The following UBR3 variants were observed in gnomAD, a reference collection of about 807,000 sequenced individuals.
The protein encoded by UBR3 is ubiquitin protein ligase E3 component n-recognin 3.
Under a neutral mutation model 243.2 loss-of-function variants are expected in UBR3, and 85 were observed. The observed-to-expected ratio is 0.35, with a 90% CI of 0.29 to 0.42. UBR3 has a LOEUF of 0.42. Ranked by LOEUF, UBR3 falls within the 10% of genes least tolerant of loss-of-function variation. The pLI is 1.00. For synonymous variants in UBR3, 748 were observed against 799.8 expected (o/e 0.94, Z 1.09); for missense variants, 1,686 against 2,300.8 (o/e 0.73, Z 5.47).
chr2:169,988,803 TAAAAAAGA>T (rs2089147276), intron 25 of UBR3, among the ~76,000 whole-genome samples: 4 of 151,884 alleles, frequency 2.6e-5, no homozygotes, highest in Admixed American at 1.3e-4. Context: ...TTAAAAAAAT[TAAAAAAGA>T]AAAAAAGAAA....
chr2:169,888,841 C>T (rs1245222009), intron 5 of UBR3, among the ~76,000 whole-genome samples: 2 of 152,000 alleles, frequency 1.3e-5, no homozygotes, highest in Non-Finnish European at 2.9e-5. Flanking sequence ...TATAGAGCTC[C>T]AGGGTTGTTT....
intron 11 of UBR3, among the ~76,000 whole-genome samples, chr2:169,917,020 T>C (rs1045585504): frequency 3.3e-5 from 5 of 152,146 alleles, no homozygotes; most frequent in Non-Finnish European, 7.3e-5. Flanking sequence ...AGGAATGGTT[T>C]AGGAAGGGAA....
intron 27 of UBR3, among the ~76,000 whole-genome samples, chr2:170,003,817 T>A (rs1431896465): frequency 6.6e-6 from 1 of 152,156 alleles, no homozygotes; most frequent in Non-Finnish European, 1.5e-5. Flanking sequence ...ATTTTTTGTA[T>A]TTTTAGCAGA....
At chr2:169,864,769 T>G (rs1033810587) in intron 1 of UBR3, among the ~76,000 whole-genome samples, 4 of 151,826 alleles carry the variant, frequency 2.6e-5, no homozygotes, top group Non-Finnish European at 5.9e-5. Flanking sequence ...TAGCTGGGCA[T>G]GGTGGCGGGT....
chr2:169,850,717 G>A (rs1206989299), intron 1 of UBR3, among the ~76,000 whole-genome samples: 5 of 152,002 alleles, frequency 3.3e-5, no homozygotes, highest in African/African-American at 9.7e-5. Flanking sequence ...GGTGGTGGGC[G>A]CCTGTGGTGC....
intron 5 of UBR3, among the ~76,000 whole-genome samples, chr2:169,889,869 A>G (rs1480034028): frequency 6.6e-6 from 1 of 152,230 alleles, no homozygotes; most frequent in Non-Finnish European, 1.5e-5. Context: ...TTTCTGCTTT[A>G]GAAATTTGAT....
At chr2:170,000,300 A>G (rs1472295355) in intron 26 of UBR3, among the ~76,000 whole-genome samples, 2 of 152,238 alleles carry the variant, frequency 1.3e-5, no homozygotes, top group African/African-American at 4.8e-5. Flanking sequence ...ATAAAGCTGT[A>G]TGGAGGTTAC....
intron 5 of UBR3, among the ~76,000 whole-genome samples, chr2:169,890,579 A>ATATGTGTG (rs373265395): frequency 1.6e-5 from 1 of 61,288 alleles, no homozygotes; most frequent in African/African-American, 7.3e-5. Context: ...ATATATATAT[A>ATATGTGTG]TGTATATATA....
At chr2:170,015,937 T>A (rs1428693731) in intron 30 of UBR3, among the ~76,000 whole-genome samples, 1 of 151,878 alleles carries the variant, frequency 6.6e-6, no homozygotes, top group African/African-American at 2.4e-5. Flanking sequence ...ATGCTATCAT[T>A]TTTTAGTCAT....
At chr2:170,078,911 A>G (rs11680190) in intron 36 of UBR3, among the ~76,000 whole-genome samples, 73,511 of 151,966 alleles carry the variant, frequency 0.48, 19,496 homozygotes, top group Non-Finnish European at 0.61. Flanking sequence ...TTGGCAAATG[A>G]TGTATTGTAT....
chr2:170,007,977 A>G (rs1399856179), intron 28 of UBR3, among the ~76,000 whole-genome samples: 1 of 152,174 alleles, frequency 6.6e-6, no homozygotes, highest in Non-Finnish European at 1.5e-5. Flanking sequence ...AAATATGCCC[A>G]TTAGGTATAT....
At chr2:169,932,723 C>G (rs1017594083) in intron 18 of UBR3, among the ~76,000 whole-genome samples, 189 bp from the exon 19 acceptor site, 1 of 152,176 alleles carries the variant, frequency 6.6e-6, no homozygotes, top group Non-Finnish European at 1.5e-5. Flanking sequence ...GAGAACATTC[C>G]TGATGATGAA....
At chr2:169,905,330 CA>C (rs1433293139) in intron 9 of UBR3, 37 bp downstream of exon 9, 17 of 1,401,764 alleles carry the variant, frequency 1.2e-5, no homozygotes, top group African/African-American at 1.5e-5. Context: ...TTTTGGTTTA[CA>C]AAATTCCTAA....
chr2:169,986,291 A>G (rs2088999832), intron 24 of UBR3, among the ~76,000 whole-genome samples: 1 of 152,186 alleles, frequency 6.6e-6, no homozygotes, highest in African/African-American at 2.4e-5. Flanking sequence ...CCTCAAGGAA[A>G]ATTAAAACAA....
At chr2:169,950,863 CTT>C (rs2086992968) in intron 23 of UBR3, among the ~76,000 whole-genome samples, 1 of 148,510 alleles carries the variant, frequency 6.7e-6, no homozygotes, top group Non-Finnish European at 1.5e-5. Context: ...TTGTCAAACT[CTT>C]GGAAAGGGTT....
At chr2:169,982,838 T>G (rs1243213096) in intron 24 of UBR3, among the ~76,000 whole-genome samples, 1 of 152,208 alleles carries the variant, frequency 6.6e-6, no homozygotes, top group South Asian at 2.1e-4. Flanking sequence ...AACCCCTAGT[T>G]AGTTTTCATC....
chr2:170,053,125 G>T (rs1294726913), intron 32 of UBR3, among the ~76,000 whole-genome samples: 2 of 152,194 alleles, frequency 1.3e-5, no homozygotes, highest in Non-Finnish European at 2.9e-5. Flanking sequence ...TCCTTTGAAA[G>T]GCCTGCTTGC....
chr2:169,890,536 G>GATATATATATATATATATAT (rs1396382870), intron 5 of UBR3, among the ~76,000 whole-genome samples: 7 of 53,624 alleles, frequency 1.3e-4, no homozygotes, highest in African/African-American at 3.4e-4. Context: ...GAGAGAGAGA[G>GATATATATATATATATATAT]AGAGATATAT....
Position 169,942,555 on chromosome 2 carries a change from T to C in UBR3, c.2726T>C (p.Leu909Pro), listed in dbSNP as rs1487561364. 1.3e-6 allele frequency: 2 copies of C among 1,550,508 alleles called. No individual in the cohort carries two copies. Among genetic ancestry groups the C allele is most frequent in the East Asian group, 2.5e-5 (1 of 40,816 alleles). The change falls in exon 20 of 39, where the codon CTC (leucine) becomes CCC (proline). Residue 909 changes from leucine to proline, a missense_variant. Transcript: ENST00000272793. ...PWPPYKKRTS[L>P]HPSYKGLMRL... ...CCTCCATATAAGAAAAGGACATCAC[T>C]CCATCCTAGCTATAAAGGTCTTATG...
Sources: allele counts gnomAD v4.1 joint callset (sites outside exome capture counted in the v4.1 genomes callset), GRCh38; gene constraint gnomAD v4.1.1; transcripts MANE v1.5; gene names NCBI Gene and HGNC (gene_info 2026-07-23, HGNC 2026-07-21).